Variants in ENTREP1 observed in about 807,000 individuals in gnomAD.
ENTREP1 encodes the protein Friedreich ataxia region gene X123.
chr9:69,367,823 AAATAT>A, the ENTREP1 span, among the ~76,000 whole-genome samples: 1 of 118,526 alleles, frequency 8.4e-6, no homozygotes, highest in Admixed American at 1.0e-4. Flanking sequence ...ACATATATAT[AAATAT>A]ATATATACAC....
chr9:69,375,994 G>T, the ENTREP1 span: 1 of 872,752 alleles, frequency 1.1e-6, no homozygotes, highest in South Asian at 2.1e-5. Context: ...GCATGTGAGT[G>T]ACCCCAGAGA....
chr9:69,347,975 C>T, the ENTREP1 span, among the ~76,000 whole-genome samples: 567 of 152,280 alleles, frequency 3.7e-3, 11 homozygotes, highest in Non-Finnish European at 1.5e-3. Flanking sequence ...TATCATGCCA[C>T]ATTCTAGTTT....
the ENTREP1 span, among the ~76,000 whole-genome samples, chr9:69,367,876 T>TATATATACAC: frequency 1.7e-3 from 233 of 140,134 alleles, 4 homozygotes; most frequent in African/African-American, 4.6e-3. Flanking sequence ...TATATAAATA[T>TATATATACAC]ATATATACAC....
At chr9:69,350,667 A>G in the ENTREP1 span, among the ~76,000 whole-genome samples, 6 of 152,206 alleles carry the variant, frequency 3.9e-5, no homozygotes, top group Non-Finnish European at 8.8e-5. Flanking sequence ...AATTGAGGGA[A>G]GACAGCTCTC....
At chr9:69,390,926 C>G in the ENTREP1 span, among the ~76,000 whole-genome samples, 2 of 150,008 alleles carry the variant, frequency 1.3e-5, no homozygotes, top group African/African-American at 4.9e-5. Flanking sequence ...CAGGCATGAA[C>G]CACCATGCCC....
the ENTREP1 span, among the ~76,000 whole-genome samples, chr9:69,375,054 G>T: frequency 6.6e-6 from 1 of 152,182 alleles, no homozygotes; most frequent in African/African-American, 2.4e-5. Flanking sequence ...TTCAAATAGG[G>T]TTGTTTAAAG....
the ENTREP1 span, among the ~76,000 whole-genome samples, chr9:69,354,822 A>G: frequency 6.6e-6 from 1 of 152,190 alleles, no homozygotes; most frequent in East Asian, 1.9e-4. Context: ...TCCTTAGATC[A>G]CTTGGATAAC....
At chr9:69,343,966 A>G in the ENTREP1 span, among the ~76,000 whole-genome samples, 2 of 152,228 alleles carry the variant, frequency 1.3e-5, no homozygotes, top group African/African-American at 2.4e-5. Flanking sequence ...GCTAAAGTGC[A>G]TTATAGACTA....
the ENTREP1 span, chr9:69,377,252 T>C: frequency 3.6e-5 from 26 of 720,472 alleles, no homozygotes; most frequent in Admixed American, 1.5e-4. Flanking sequence ...TTTACATGCA[T>C]CCTCTCCTGA....
chr9:69,388,241 A>T, the ENTREP1 span: 5 of 1,614,074 alleles, frequency 3.1e-6, no homozygotes, highest in African/African-American at 6.7e-5. Flanking sequence ...GAGAGGCTTG[A>T]GATCTAGAGC....
the ENTREP1 span, among the ~76,000 whole-genome samples, chr9:69,340,636 C>CATGTGTGTGT: frequency 3.3e-5 from 4 of 120,546 alleles, no homozygotes; most frequent in South Asian, 3.0e-4. Context: ...TGTGTGTGTG[C>CATGTGTGTGT]GTGCATGTGT....
chr9:69,336,223 CT>C, the ENTREP1 span: 2 of 1,571,352 alleles, frequency 1.3e-6, no homozygotes, highest in South Asian at 2.3e-5. Flanking sequence ...GTGATACTCT[CT>C]GGAATCATAG....
the ENTREP1 span, among the ~76,000 whole-genome samples, chr9:69,355,373 T>C: frequency 6.6e-6 from 1 of 152,206 alleles, no homozygotes; most frequent in Non-Finnish European, 1.5e-5. Flanking sequence ...ATTGGTTCTT[T>C]ACTTGTCTGG....
At chr9:69,348,118 TTCTG>T in the ENTREP1 span, among the ~76,000 whole-genome samples, 3 of 152,186 alleles carry the variant, frequency 2.0e-5, no homozygotes, top group South Asian at 2.1e-4. Context: ...TGCTGCTTCT[TTCTG>T]TCTTTCTTTT....
At chr9:69,339,028 G>GT in the ENTREP1 span, among the ~76,000 whole-genome samples, 29 of 150,960 alleles carry the variant, frequency 1.9e-4, no homozygotes, top group East Asian at 1.9e-3. Flanking sequence ...TGTATCTTTT[G>GT]TTTTTTTTTG....
chr9:69,385,719 C>G, the ENTREP1 span: 1 of 1,434,408 alleles, frequency 7.0e-7, no homozygotes, highest in South Asian at 1.6e-5. Context: ...TGTTTCCTGC[C>G]CATTTTGAGG....
At chr9:69,378,147 A>C in the ENTREP1 span, among the ~76,000 whole-genome samples, 1 of 152,186 alleles carries the variant, frequency 6.6e-6, no homozygotes, top group Non-Finnish European at 1.5e-5. Flanking sequence ...ACTGACACCC[A>C]GGGAGATAAC....
chr9:69,386,837 C>T, the ENTREP1 span: 1 of 152,258 alleles, frequency 6.6e-6, no homozygotes, highest in Non-Finnish European at 1.5e-5. Flanking sequence ...CTTGTCTCTA[C>T]AGCAGCTTCT....
chr9:69,354,332 C>T, the ENTREP1 span, among the ~76,000 whole-genome samples: 20 of 146,160 alleles, frequency 1.4e-4, no homozygotes, highest in East Asian at 6.0e-4. Context: ...TCTTGGCTCA[C>T]GGCAACCTCT....
Sources: allele counts gnomAD v4.1 joint callset (sites outside exome capture counted in the v4.1 genomes callset), GRCh38; gene constraint gnomAD v4.1.1; transcripts MANE v1.5; gene names NCBI Gene and HGNC (gene_info 2026-07-23, HGNC 2026-07-21).